The following LDB3 variants were observed in gnomAD, a reference collection of about 807,000 sequenced individuals.
LDB3 encodes the protein LIM domain binding 3, also known as LIM domain-binding protein 3.
LDB3 carries 49 observed loss-of-function variants against 69.0 expected under a neutral mutation model. The ratio of observed to expected loss-of-function variants is 0.71; its 90% CI spans 0.56 to 0.90. The LOEUF (loss-of-function observed/expected upper bound fraction) is 0.90, where lower values mean the gene tolerates loss of function less well. Among genes scored for constraint, LDB3 ranks in the 40% least tolerant of loss-of-function variants. The pLI, the probability that LDB3 is intolerant of heterozygous loss-of-function variation, is 0.00. For missense variants in LDB3, 928 were observed against 974.1 expected (o/e 0.95, Z 0.63); for synonymous variants, 387 against 396.2 (o/e 0.98, Z 0.28).
At chr10:86,672,215 C>T (rs1014527955) in intron 2 of LDB3, among the ~76,000 whole-genome samples, 10 of 152,226 alleles carry the variant, frequency 6.6e-5, no homozygotes, top group Admixed American at 6.5e-4. Flanking sequence ...TCTACTGGGA[C>T]TGGTTGTGAG....
At chr10:86,680,231 G>A in intron 4 of LDB3, 74 bp downstream of exon 4, 3 of 1,388,726 alleles carry the variant, frequency 2.2e-6, no homozygotes, top group Non-Finnish European at 3.0e-6. Flanking sequence ...AGCCTGCCTG[G>A]TCTTTGGCTG....
intron 13 of LDB3, among the ~76,000 whole-genome samples, chr10:86,727,217 T>C (rs983787179): frequency 7.2e-5 from 11 of 152,010 alleles, no homozygotes; most frequent in Admixed American, 1.3e-4. Flanking sequence ...AGAGGGGATT[T>C]CACCATGTTG....
At chr10:86,726,879 CTT>C (rs1177661685) in intron 13 of LDB3, among the ~76,000 whole-genome samples, 2 of 152,048 alleles carry the variant, frequency 1.3e-5, no homozygotes, top group African/African-American at 4.8e-5. Context: ...TGGCATTTTC[CTT>C]CTGAGGGTTT....
chr10:86,685,806 ATGTG>A, intron 5 of LDB3: 2 of 1,286,336 alleles, frequency 1.6e-6, no homozygotes, highest in Non-Finnish European at 1.1e-6. Context: ...GTGTACATGT[ATGTG>A]CATATGTATG....
intron 5 of LDB3, among the ~76,000 whole-genome samples, chr10:86,688,412 G>C (rs1267464269): frequency 2.0e-5 from 3 of 152,148 alleles, no homozygotes; most frequent in Non-Finnish European, 2.9e-5. Context: ...CCCAAGGGTG[G>C]AACAGTGTGG....
At position 86,692,657 on chromosome 10, in the gene LDB3, G is replaced by A. The variant is rs1845822049; in HGVS notation, c.896+86G>A. On this transcript the variant is annotated intron_variant, in intron 7 of 13. Coordinates refer to ENST00000361373, the MANE Select transcript of LDB3 (RefSeq NM_007078.3). Reference sequence around the variant, plus strand: ...CCCCCAGGTCACATCACTCATGGAAGGGACCTCTCAAGTTCATGGATTTGG... The same window carrying A: ...CCCCCAGGTCACATCACTCATGGAAAGGACCTCTCAAGTTCATGGATTTGG... The A allele has an allele frequency of 8.3e-7, 1 of 1,205,062 alleles. No individual in the cohort carries two copies. Among genetic ancestry groups the A allele is most frequent in the Non-Finnish European group, 1.2e-6 (1 of 807,016 alleles). 74.6% of individuals were successfully genotyped at this position (1,205,062 alleles called of 1,614,324 possible). A position where few individuals can be genotyped will look rare whatever the true frequency, so the allele number is the denominator to read the frequency against.
rs754596106 is a variant in LDB3, at chr10:86,681,558, G to A, written c.444G>A (p.Arg148=). The A allele has an allele frequency of 6.2e-7, 1 of 1,612,934 alleles. No homozygotes were observed. The highest frequency in any genetic ancestry group is 8.5e-7 in the Non-Finnish European group (1 of 1,179,800). ...LRPTFSPAFS[R]PSAFSSLAEA... is the part of the protein sequence containing the mutation. ...CCACCTTTAGCCCTGCCTTCTCCCG[G>A]CCCTCCGCCTTCTCCTCACTCGCCG... is the stretch of plus-strand genomic sequence containing the variant. The change falls in exon 5 of 14, where the codon CGG becomes CGA. Residue 148 remains arginine, a synonymous_variant. Transcript: ENST00000361373.
chr10:86,697,549 C>CTTTTTTTTTTTTT (rs71019409), intron 7 of LDB3, among the ~76,000 whole-genome samples: 21 of 83,934 alleles, frequency 2.5e-4, no homozygotes, highest in Non-Finnish European at 2.9e-4. Context: ...TTCTTTCTTT[C>CTTTTTTTTTTTTT]TTTTTTTTTT....
intron 12 of LDB3, among the ~76,000 whole-genome samples, chr10:86,721,158 C>T (rs1168946034): frequency 2.6e-5 from 4 of 152,200 alleles, no homozygotes; most frequent in Non-Finnish European, 4.4e-5. Flanking sequence ...TACTGTTTTC[C>T]ATAACGGCTG....
upstream of LDB3, among the ~76,000 whole-genome samples, chr10:86,667,234 G>A (rs1844218329): frequency 6.6e-6 from 1 of 152,098 alleles, no homozygotes; most frequent in Non-Finnish European, 1.5e-5. Context: ...CCAGGCCCCA[G>A]GAGTGAGGCT....
chr10:86,691,526 A>G (rs1461102640), intron 5 of LDB3, among the ~76,000 whole-genome samples: 1 of 152,164 alleles, frequency 6.6e-6, no homozygotes, highest in Non-Finnish European at 1.5e-5. Flanking sequence ...GCCTCTCTCC[A>G]GCCAGCCCCA....
chr10:86,732,829 G>A (rs766794301), intron 13 of LDB3, 58 bp from the exon 14 acceptor site: 1 of 1,405,304 alleles, frequency 7.1e-7, no homozygotes, highest in Admixed American at 1.8e-5. Context: ...AAAAGTGATT[G>A]AAATCTGCTC....
chr10:86,703,006 A>G (rs1262179040), intron 7 of LDB3, among the ~76,000 whole-genome samples: 3 of 152,108 alleles, frequency 2.0e-5, no homozygotes, highest in Non-Finnish European at 4.4e-5. Flanking sequence ...CTCCAACTTC[A>G]TGCCCTGGAA....
intron 5 of LDB3, among the ~76,000 whole-genome samples, chr10:86,684,601 C>T (rs980954493): frequency 3.3e-5 from 5 of 152,224 alleles, no homozygotes; most frequent in Non-Finnish European, 5.9e-5. Context: ...GAGGCAGTGG[C>T]GGGCCTGGGG....
rs1847547207 is a variant in LDB3 at position 86,733,628 on chromosome 10, G to A, written c.*652G>A. 1 of 152,570 alleles carries A rather than the reference G, an allele frequency of 6.6e-6. No homozygotes were observed. Among genetic ancestry groups the A allele is most frequent in the South Asian group, 2.1e-4 (1 of 4,824 alleles). The allele number at this position is 152,570 out of a possible 1,614,324, so 9.5% of individuals were successfully genotyped here. ...GGGCAATTGCCAGGGCTCCAGGAAG[G>A]GCTCTGGCTCAGGTTGCAGACAGCT... On this transcript the variant is annotated 3_prime_UTR_variant, in exon 14 of 14. Coordinates refer to ENST00000361373, the MANE Select transcript of LDB3 (RefSeq NM_007078.3).
intron 7 of LDB3, among the ~76,000 whole-genome samples, chr10:86,698,564 G>C (rs958296421): frequency 3.9e-5 from 6 of 152,228 alleles, no homozygotes; most frequent in African/African-American, 1.4e-4. Flanking sequence ...CAGCTGAGCA[G>C]GTGTGGCTTG....
chr10:86,688,570 T>A (rs762624439), intron 5 of LDB3, among the ~76,000 whole-genome samples: 1 of 152,206 alleles, frequency 6.6e-6, no homozygotes, highest in Non-Finnish European at 1.5e-5. Flanking sequence ...CGCCTAATTC[T>A]GGGCAAGGTT....
rs141116920 is a variant in LDB3, at chr10:86,692,023, C to T, written c.817C>T (p.Arg273Cys). ...WARRSSNLQSRSFRILAQMTG... is the reference protein window; with the variant it reads ...WARRSSNLQSCSFRILAQMTG... ...ACGCCGTTCCTCCAACCTGCAGTCT[C>T]GCTCCTTCCGCATCCTGGCCCAGAT... Residue 273 changes from arginine (R) to cysteine (C), a missense_variant, in exon 6 of 14, where the codon CGC becomes TGC. Transcript: ENST00000361373. 18 of 1,614,178 alleles carry T rather than the reference C, an allele frequency of 1.1e-5. No homozygotes were observed. Among genetic ancestry groups the T allele is most frequent in the Admixed American group, 8.3e-5 (5 of 60,032 alleles).
At chr10:86,726,546 GC>G (rs1847265996) in intron 13 of LDB3, 2 of 443,364 alleles carry the variant, frequency 4.5e-6, no homozygotes, top group Non-Finnish European at 8.4e-6. Flanking sequence ...TTGTCAGCGG[GC>G]AAAAGCAGCA....
Sources: allele counts gnomAD v4.1 joint callset (sites outside exome capture counted in the v4.1 genomes callset), GRCh38; gene constraint gnomAD v4.1.1; transcripts MANE v1.5; gene names NCBI Gene and HGNC (gene_info 2026-07-23, HGNC 2026-07-21).